The following ATP8B4 variants were observed in gnomAD, a reference collection of about 807,000 sequenced individuals.
The protein encoded by ATP8B4 is probable phospholipid-transporting ATPase IM.
A neutral mutation model predicts 145.6 loss-of-function variants in ATP8B4; 133 were observed. That is an observed-to-expected ratio of 0.91 (90% CI 0.79 to 1.05). The LOEUF is 1.05. Among genes scored for constraint, ATP8B4 ranks in the 50% least tolerant of loss-of-function variants. The probability of loss-of-function intolerance (pLI) is 0.00; values close to 1 mark genes in which losing one functional copy is unlikely to be tolerated. For synonymous variants in ATP8B4, 507 were observed against 492.9 expected (o/e 1.03, Z -0.38); for missense variants, 1,458 against 1,425.2 (o/e 1.02, Z -0.37).
At chr15:50,155,980 A>G (rs942703698) in intron 1 of ATP8B4, among the ~76,000 whole-genome samples, 3 of 149,174 alleles carry the variant, frequency 2.0e-5, no homozygotes, top group Non-Finnish European at 4.5e-5. Context: ...TAAACTTTCA[A>G]TGTTTATATT....
chr15:49,997,232 A>G (rs1303755133), intron 8 of ATP8B4, among the ~76,000 whole-genome samples: 1 of 152,172 alleles, frequency 6.6e-6, no homozygotes, highest in East Asian at 1.9e-4. Flanking sequence ...TCATTTTCTT[A>G]GAGAATCAAT....
intron 6 of ATP8B4, among the ~76,000 whole-genome samples, chr15:50,037,584 G>A (rs766868306): frequency 6.6e-6 from 1 of 152,172 alleles, no homozygotes; most frequent in Non-Finnish European, 1.5e-5. Context: ...ATTATTCAGA[G>A]TAGGACAAAA....
At chr15:50,065,234 C>CA (rs907572844) in intron 3 of ATP8B4, among the ~76,000 whole-genome samples, 3 of 151,266 alleles carry the variant, frequency 2.0e-5, no homozygotes, top group African/African-American at 4.9e-5. Flanking sequence ...TTTTATTTGT[C>CA]AAAAAAAAGA....
At chr15:50,145,362 T>C (rs1312995448) in intron 1 of ATP8B4, among the ~76,000 whole-genome samples, 2 of 152,202 alleles carry the variant, frequency 1.3e-5, no homozygotes, top group African/African-American at 4.8e-5. Context: ...TCAGGATCAG[T>C]CTCTTTCTTT....
At chr15:50,121,740 G>T (rs2057272630), upstream of ATP8B4, among the ~76,000 whole-genome samples, 1 of 152,082 alleles carries the variant, frequency 6.6e-6, no homozygotes, top group Non-Finnish European at 1.5e-5. Flanking sequence ...TAGGCAGTAT[G>T]TGCACTGTCA....
chr15:49,942,735 G>T (rs1010251719), intron 14 of ATP8B4, among the ~76,000 whole-genome samples: 3 of 152,056 alleles, frequency 2.0e-5, no homozygotes, highest in African/African-American at 7.2e-5. Flanking sequence ...TGAGGCAGGA[G>T]AATGGCATGA....
intron 16 of ATP8B4, among the ~76,000 whole-genome samples, chr15:49,928,748 A>T (rs1053311826): frequency 2.0e-5 from 3 of 152,146 alleles, no homozygotes; most frequent in African/African-American, 7.2e-5. Context: ...AAAGGGGTTT[A>T]TGAGGCCATT....
At position 50,074,208 on chromosome 15, in the gene ATP8B4, T is replaced by A. The variant is rs761956089; in HGVS notation, c.29-23A>T. ...CTTCTAAAGAGAGAGAAATCAAGTA[T>A]GAAATTAAATTGTAGGCCCAGAGAA... is the stretch of plus-strand genomic sequence containing the variant. On this transcript the variant is annotated intron_variant, in intron 2 of 27. Transcript: ENST00000284509. The A allele has an allele frequency of 1.5e-5, 24 of 1,595,058 alleles. 1 individual carries two copies. The South Asian group carries it at 2.4e-4, about 16-fold the overall frequency.
intron 1 of ATP8B4, among the ~76,000 whole-genome samples, chr15:50,107,851 T>C (rs1311793924): frequency 2.0e-5 from 3 of 152,246 alleles, no homozygotes; most frequent in East Asian, 3.9e-4. Flanking sequence ...ACTTATGGCT[T>C]AGTAGTTACA....
intron 23 of ATP8B4, among the ~76,000 whole-genome samples, chr15:49,890,549 C>T (rs750984097): frequency 3.0e-4 from 45 of 152,134 alleles, no homozygotes; most frequent in Non-Finnish European, 2.8e-4. Context: ...AGGCCAAAGC[C>T]ACATGTTGGG....
chr15:49,932,335 G>A (rs117161904), intron 15 of ATP8B4, among the ~76,000 whole-genome samples: 111 of 151,970 alleles, frequency 7.3e-4, no homozygotes, highest in Admixed American at 1.4e-3. Context: ...GTAGGGGTGA[G>A]ACTGGAGTTC....
chr15:49,962,819 T>C (rs2153509861), intron 13 of ATP8B4, among the ~76,000 whole-genome samples: 1 of 152,306 alleles, frequency 6.6e-6, no homozygotes, highest in South Asian at 2.1e-4. Context: ...TAGCCCATGA[T>C]TATAGATGTA....
rs374764190 is a variant in ATP8B4 at position 49,893,007 on chromosome 15, AAGAG to A, written c.2697+4281_2697+4284del. ...AATCTGAATTCAAAAAATCTTTGGA[AAGAG>A]AAAGATCTTAGGTTGGCAGCAGTGC... On this transcript the variant is annotated intron_variant, in intron 23 of 27. Coordinates refer to ENST00000284509, the MANE Select transcript of ATP8B4 (RefSeq NM_024837.4). Among the ~76,000 whole-genome samples the A allele has an allele frequency of 2.0e-3, 306 of 152,352 alleles. 1 individual carries two copies. Among genetic ancestry groups the A allele is most frequent in the African/African-American group, 6.8e-3 (283 of 41,588 alleles).
chr15:49,922,521 T>G (rs2040354896), intron 17 of ATP8B4: 1 of 332,470 alleles, frequency 3.0e-6, no homozygotes, highest in African/African-American at 2.2e-5. Context: ...GACAGAGGAT[T>G]TTTTTTATTT....
chr15:49,889,437 G>C (rs1449169945), intron 23 of ATP8B4, among the ~76,000 whole-genome samples: 1 of 152,164 alleles, frequency 6.6e-6, no homozygotes, highest in African/African-American at 2.4e-5. Context: ...CTGGTCCGCG[G>C]GTTCTTTTCA....
intron 20 of ATP8B4, among the ~76,000 whole-genome samples, chr15:49,911,696 C>T (rs1361724094): frequency 6.6e-6 from 1 of 152,100 alleles, no homozygotes; most frequent in Non-Finnish European, 1.5e-5. Context: ...ACTGAACAGA[C>T]ATCCACAGGA....
intron 14 of ATP8B4, among the ~76,000 whole-genome samples, chr15:49,960,494 A>C (rs1403482409): frequency 6.6e-6 from 1 of 152,242 alleles, no homozygotes; most frequent in African/African-American, 2.4e-5. Flanking sequence ...GTCAGTAATC[A>C]TCTAGAGAAA....
At chr15:50,048,722 A>G (rs1390803628) in intron 3 of ATP8B4, among the ~76,000 whole-genome samples, 1 of 152,104 alleles carries the variant, frequency 6.6e-6, no homozygotes, top group Non-Finnish European at 1.5e-5. Flanking sequence ...AAAAAAGGAA[A>G]AAAGATGGGC....
At position 49,888,627 on chromosome 15, in the gene ATP8B4, A is replaced by G. The variant is rs192942827; in HGVS notation, c.2697+8665T>C. Among the ~76,000 whole-genome samples, 82 of 152,310 alleles carry G rather than the reference A, an allele frequency of 5.4e-4. No individual in the cohort carries two copies. In the Middle Eastern group the frequency reaches 0.02, roughly 38 times the overall value. Reference sequence around the variant, plus strand: ...TCTTTACGAAAAGTCCTGAAGGCATAGGGTGCTTTTAAAATAAGTTACAGG... The same window carrying G: ...TCTTTACGAAAAGTCCTGAAGGCATGGGGTGCTTTTAAAATAAGTTACAGG... On this transcript the variant is annotated intron_variant, in intron 23 of 27. Coordinates refer to ENST00000284509, the MANE Select transcript of ATP8B4 (RefSeq NM_024837.4).
Sources: allele counts gnomAD v4.1 joint callset (sites outside exome capture counted in the v4.1 genomes callset), GRCh38; gene constraint gnomAD v4.1.1; transcripts MANE v1.5; gene names NCBI Gene and HGNC (gene_info 2026-07-23, HGNC 2026-07-21).